USP22: variants seen among roughly 807,000 people sequenced by gnomAD.
The protein encoded by USP22 is ubiquitin specific peptidase 22.
A neutral mutation model predicts 68.1 loss-of-function variants in USP22; 22 were observed. That is an observed-to-expected ratio of 0.32 (90% CI 0.23 to 0.46). USP22 has a LOEUF of 0.46. USP22 is among the 20% of genes least tolerant of loss of function. The pLI, the probability that USP22 is intolerant of heterozygous loss-of-function variation, is 1.00. For missense variants in USP22, 433 were observed against 695.8 expected (o/e 0.62, Z 4.25); for synonymous variants, 279 against 274.2 (o/e 1.02, Z -0.17).
At chr17:21,029,942 C>T (rs1972267962) in intron 1 of USP22, among the ~76,000 whole-genome samples, 1 of 152,240 alleles carries the variant, frequency 6.6e-6, no homozygotes, top group South Asian at 2.1e-4. Flanking sequence ...GCAGTGACTG[C>T]ACAGCAGTGT....
intron 3 of USP22, among the ~76,000 whole-genome samples, chr17:21,020,065 T>C (rs1972134201): frequency 6.6e-6 from 1 of 151,922 alleles, no homozygotes; most frequent in Admixed American, 6.6e-5. Flanking sequence ...GTGTTTTCAA[T>C]GGAGAGTAAT....
chr17:21,024,453 A>G (rs1972195958), intron 2 of USP22, among the ~76,000 whole-genome samples: 1 of 152,230 alleles, frequency 6.6e-6, no homozygotes, highest in Admixed American at 6.5e-5. Flanking sequence ...TTGAGGGGAT[A>G]GGGTATCTCT....
intron 3 of USP22, among the ~76,000 whole-genome samples, chr17:21,019,726 G>A (rs769209340): frequency 2.6e-5 from 4 of 152,320 alleles, no homozygotes; most frequent in Middle Eastern, 3.4e-3. Flanking sequence ...CACCCTATGC[G>A]CTCAGAAGTA....
intron 3 of USP22, 54 bp from the exon 4 acceptor site, chr17:21,019,239 T>G: frequency 4.5e-6 from 7 of 1,556,782 alleles, no homozygotes; most frequent in Middle Eastern, 1.7e-4. Context: ...TCACATCAAG[T>G]GTGTTTACAC....
intron 8 of USP22, among the ~76,000 whole-genome samples, chr17:21,008,762 T>C (rs1567790583): frequency 6.6e-6 from 1 of 152,080 alleles, no homozygotes; most frequent in Non-Finnish European, 1.5e-5. Flanking sequence ...CATGTGAATC[T>C]ACAATGATCT....
intron 5 of USP22, among the ~76,000 whole-genome samples, chr17:21,016,361 G>A (rs1187509418): frequency 6.6e-6 from 1 of 152,236 alleles, no homozygotes; most frequent in African/African-American, 2.4e-5. Flanking sequence ...GGGCTTGCCA[G>A]CCAGTCCTCT....
Position 21,018,967 on chromosome 17 carries a change from G to A in USP22, c.520+117C>T, listed in dbSNP as rs562738761. On this transcript the variant is annotated intron_variant, in intron 4 of 12. Transcript: ENST00000261497. ...AGCTGGTTGCTGAGCACATTGATGA[G>A]TGACAGTTATGCAGGGCTTCAACAG... 4.8e-5 allele frequency: 50 copies of A among 1,051,830 alleles called. No homozygotes were observed. In the East Asian group the frequency reaches 1.2e-3, roughly 26 times the overall value. 65.2% of individuals were successfully genotyped at this position (1,051,830 alleles called of 1,614,324 possible). A position where few individuals can be genotyped will look rare whatever the true frequency, so the allele number is the denominator to read the frequency against.
At chr17:21,039,966 A>G (rs1348074760) in intron 1 of USP22, among the ~76,000 whole-genome samples, 1 of 152,126 alleles carries the variant, frequency 6.6e-6, no homozygotes, top group East Asian at 1.9e-4. Context: ...GCACTCTGGG[A>G]GACAGGAGGA....
rs776556311 is a variant in USP22 at position 21,001,042 on chromosome 17, C to CAAAAAAAA, written c.*1981_*1988dup. On this transcript the variant is annotated 3_prime_UTR_variant, in exon 13 of 13. Coordinates refer to ENST00000261497, the MANE Select transcript of USP22 (RefSeq NM_015276.2). ...CCAGCCTGGGCAACAAACTCCATCT[C>CAAAAAAAA]AAAAAAAAAAAAAAAAAGACTGCAC... is the stretch of plus-strand genomic sequence containing the variant. 4.6e-5 allele frequency: 5 copies of CAAAAAAAA among 108,846 alleles called. No individual in the cohort carries two copies. Among genetic ancestry groups the CAAAAAAAA allele is most frequent in the African/African-American group, 1.8e-4 (5 of 27,602 alleles). 6.7% of individuals were successfully genotyped at this position (108,846 alleles called of 1,614,324 possible).
Position 21,002,100 on chromosome 17 carries a change from A to G in USP22, c.*931T>C, listed in dbSNP as rs561902096. On this transcript the variant is annotated 3_prime_UTR_variant, in exon 13 of 13. Coordinates refer to ENST00000261497, the MANE Select transcript of USP22 (RefSeq NM_015276.2). ...CAGAACCCATCAGACACCGGCAGAC[A>G]CTGCATTTACTCCAGACTGAGATGA... 2.0e-5 allele frequency: 3 copies of G among 152,434 alleles called. No individual in the cohort carries two copies. In the East Asian group the frequency reaches 5.8e-4, roughly 29 times the overall value. The allele number at this position is 152,434 out of a possible 1,614,324, so 9.4% of individuals were successfully genotyped here. A position where few individuals can be genotyped will look rare whatever the true frequency, so the allele number is the denominator to read the frequency against.
intron 1 of USP22, among the ~76,000 whole-genome samples, chr17:21,034,672 T>G (rs1404996560): frequency 6.6e-6 from 1 of 152,086 alleles, no homozygotes; most frequent in Non-Finnish European, 1.5e-5. Context: ...GCTGATCACA[T>G]CAACTGTTGC....
At chr17:21,027,651 A>G (rs1008219425) in intron 2 of USP22, among the ~76,000 whole-genome samples, 2 of 152,166 alleles carry the variant, frequency 1.3e-5, no homozygotes, top group Non-Finnish European at 2.9e-5. Context: ...TGTGTAGAAG[A>G]AACAGTTAAT....
chr17:21,021,282 G>C lies in USP22; in HGVS notation c.305-56C>G, dbSNP rs986597516. On this transcript the variant is annotated intron_variant, in intron 2 of 12. Transcript: ENST00000261497. ...AGTTGAATTAAAAACCACAATGGAA[G>C]GCTGGAGGGCAGAGTTAAACACAGT... is the stretch of plus-strand genomic sequence containing the variant. The C allele has an allele frequency of 3.3e-6, 4 of 1,207,848 alleles. No homozygotes were observed. The South Asian group carries it at 3.7e-5, about 11-fold the overall frequency. 74.8% of individuals were successfully genotyped at this position (1,207,848 alleles called of 1,614,324 possible). A position where few individuals can be genotyped will look rare whatever the true frequency, so the allele number is the denominator to read the frequency against.
At chr17:21,014,882 G>A (rs999447486) in intron 6 of USP22, among the ~76,000 whole-genome samples, 2 of 152,240 alleles carry the variant, frequency 1.3e-5, no homozygotes, top group Non-Finnish European at 2.9e-5. Flanking sequence ...TATGGCATCT[G>A]AACCAGCGGC....
intron 8 of USP22, among the ~76,000 whole-genome samples, chr17:21,009,498 C>T (rs115265610): frequency 0.011 from 1,703 of 152,172 alleles, 27 homozygotes; most frequent in South Asian, 0.063. Flanking sequence ...TCCACCTTCC[C>T]GGGAGTCAGC....
At position 21,005,001 on chromosome 17, in the gene USP22, C is replaced by A. The variant is rs1229569915; in HGVS notation, c.1323-11G>T. The A allele has an allele frequency of 1.9e-6, 3 of 1,613,992 alleles. No homozygotes were observed. The highest frequency in any genetic ancestry group is 1.1e-5 in the South Asian group (1 of 91,082). Reference sequence around the variant, plus strand: ...ATCCTGCTCTCTTTGCTGTAACAGACAACGGCAGGATTCAGCATCATTAAA... The same window carrying A: ...ATCCTGCTCTCTTTGCTGTAACAGAAAACGGCAGGATTCAGCATCATTAAA... On this transcript the variant is annotated splice_polypyrimidine_tract_variant and intron_variant, in intron 10 of 12. Coordinates refer to ENST00000261497, the MANE Select transcript of USP22 (RefSeq NM_015276.2).
chr17:21,008,248 A>G (rs1156519712), intron 8 of USP22, among the ~76,000 whole-genome samples: 1 of 152,238 alleles, frequency 6.6e-6, no homozygotes, highest in Non-Finnish European at 1.5e-5. Context: ...TCTAAGTACC[A>G]TATGACCCAG....
chr17:21,041,952 G>A (rs1327300156), intron 1 of USP22, among the ~76,000 whole-genome samples: 2 of 152,232 alleles, frequency 1.3e-5, no homozygotes, highest in East Asian at 1.9e-4. Context: ...GCACCCACAG[G>A]CTCGCCCCGG....
intron 1 of USP22, among the ~76,000 whole-genome samples, chr17:21,029,797 C>T (rs550544373): frequency 3.9e-5 from 6 of 152,302 alleles, no homozygotes; most frequent in African/African-American, 1.4e-4. Context: ...CAAAGGGTCA[C>T]GTATTCTATG....
Sources: gnomAD v4.1 joint callset for allele counts (sites outside exome capture counted in the v4.1 genomes callset) on GRCh38, gnomAD v4.1.1 for gene constraint, MANE v1.5 for transcripts, NCBI Gene and HGNC (gene_info 2026-07-23, HGNC 2026-07-21) for gene names.